The following RAD18 variants were observed in gnomAD, a reference collection of about 807,000 sequenced individuals.
RAD18 encodes RAD18 E3 ubiquitin protein ligase.
RAD18 carries 47 observed loss-of-function variants against 60.4 expected under a neutral mutation model. That is an observed-to-expected ratio of 0.78 (90% CI 0.62 to 0.99). The LOEUF is 0.99. Ranked by LOEUF, RAD18 falls within the 50% of genes least tolerant of loss-of-function variation. The pLI, the probability that RAD18 is intolerant of heterozygous loss-of-function variation, is 0.00. For missense variants in RAD18, 640 were observed against 593.3 expected, an observed-to-expected ratio of 1.08 and a Z score of -0.82; for synonymous variants, 225 against 195.5, an observed-to-expected ratio of 1.15 and a Z score of -1.26.
chr3:8,914,905 G>A (rs984273261), intron 7 of RAD18, among the ~76,000 whole-genome samples: 36 of 152,236 alleles, frequency 2.4e-4, no homozygotes, highest in African/African-American at 7.9e-4. Context: ...TTGAGAGGCC[G>A]AAGCGGGTGG....
Position 8,890,460 on chromosome 3 carries a change from A to G in RAD18, c.1323-9T>C. On this transcript the variant is annotated splice_polypyrimidine_tract_variant and intron_variant, in intron 11 of 12. Coordinates refer to ENST00000264926, the MANE Select transcript of RAD18 (RefSeq NM_020165.4). The stretch of plus-strand genomic sequence containing the variant: ...TGATGTCTGAACTGGAACTAAAAGG[A>G]TATGTACATCAGTATTGACAGACAA... 1 of 1,563,752 alleles carries G rather than the reference A, an allele frequency of 6.4e-7. No homozygotes were observed. Among genetic ancestry groups the G allele is most frequent in the South Asian group, 1.1e-5 (1 of 90,016 alleles).
chr3:8,914,405 C>T lies in RAD18; in HGVS notation c.890-685G>A, dbSNP rs555856571. 1.1e-3 allele frequency among the ~76,000 whole-genome samples: 166 copies of T among 152,146 alleles called. 1 individual carries two copies. The highest frequency in any genetic ancestry group is 0.01 in the Middle Eastern group (3 of 294). ...ATCTGGAATTTGCTTCAAAATAATC[C>T]ATGGAAGAAAAAGGGGTGTAAATGG... On this transcript the variant is annotated intron_variant, in intron 7 of 12. Coordinates refer to ENST00000264926, the MANE Select transcript of RAD18 (RefSeq NM_020165.4).
At chr3:8,942,480 T>C (rs1334064820) in intron 4 of RAD18, among the ~76,000 whole-genome samples, 1 of 152,200 alleles carries the variant, frequency 6.6e-6, no homozygotes, top group East Asian at 1.9e-4. Flanking sequence ...GTTTACTTTA[T>C]AGCAATGTAA....
Position 8,938,328 on chromosome 3 carries a change from G to T in RAD18, c.704+1226C>A, listed in dbSNP as rs145194510. ...TTGTAAGTTGTAACAGTATGAATCT[G>T]ACCCTCAGAATCTGCATTCACTCCA... On this transcript the variant is annotated intron_variant, in intron 6 of 12. Coordinates refer to ENST00000264926, the MANE Select transcript of RAD18 (RefSeq NM_020165.4). 6.2e-3 allele frequency among the ~76,000 whole-genome samples: 937 copies of T among 152,188 alleles called. 6 individuals carry two copies. Among genetic ancestry groups the T allele is most frequent in the African/African-American group, 0.021 (889 of 41,502 alleles).
At chr3:8,908,285 C>A (rs930544051) in intron 9 of RAD18, among the ~76,000 whole-genome samples, 1 of 139,600 alleles carries the variant, frequency 7.2e-6, no homozygotes, top group Non-Finnish European at 1.5e-5. Context: ...TTTTTTTTTT[C>A]TTTTCTAAGT....
At chr3:8,917,216 C>T (rs1940219002) in intron 7 of RAD18, among the ~76,000 whole-genome samples, 1 of 152,100 alleles carries the variant, frequency 6.6e-6, no homozygotes, top group Admixed American at 6.5e-5. Flanking sequence ...ATAAAAATAT[C>T]TTTCAAAAGT....
chr3:8,947,616 C>T (rs1039183643), intron 3 of RAD18, among the ~76,000 whole-genome samples: 5 of 152,086 alleles, frequency 3.3e-5, no homozygotes, highest in East Asian at 1.9e-4. Flanking sequence ...GAAATTTCTC[C>T]GGAAAAACAG....
chr3:8,914,455 G>A (rs1940160635), intron 7 of RAD18, among the ~76,000 whole-genome samples: 1 of 152,206 alleles, frequency 6.6e-6, no homozygotes, highest in African/African-American at 2.4e-5. Flanking sequence ...TTCAGACAGT[G>A]TGATAATTGT....
chr3:8,930,215 A>G (rs6790775), intron 7 of RAD18, among the ~76,000 whole-genome samples: 3,959 of 152,348 alleles, frequency 0.026, 177 homozygotes, highest in African/African-American at 0.089. Context: ...ACATATTCAT[A>G]CAATGGAATA....
At chr3:8,958,681 T>C (rs1054589362) in intron 2 of RAD18, among the ~76,000 whole-genome samples, 1 of 152,212 alleles carries the variant, frequency 6.6e-6, no homozygotes, top group South Asian at 2.1e-4. Flanking sequence ...AAAATTTTAC[T>C]GCCATAAATG....
chr3:8,917,598 A>C (rs141845846), intron 7 of RAD18, among the ~76,000 whole-genome samples: 219 of 152,298 alleles, frequency 1.4e-3, no homozygotes, highest in Middle Eastern at 3.4e-3. Flanking sequence ...AAAGATGTAC[A>C]CTGCAAACCC....
chr3:8,963,285 A>G, intron 1 of RAD18, 50 bp downstream of exon 1: 1 of 1,538,812 alleles, frequency 6.5e-7, no homozygotes, highest in South Asian at 1.2e-5. Context: ...AAAGGGAGGG[A>G]CCTCCCCCCG....
At chr3:8,948,705 AC>A in intron 2 of RAD18, 135 bp from the exon 3 acceptor site, 1 of 657,972 alleles carries the variant, frequency 1.5e-6, no homozygotes. Flanking sequence ...AATTTCTAGT[AC>A]CTCTACTCTA....
chr3:8,898,929 T>G lies in RAD18; in HGVS notation c.1287A>C (p.Glu429Asp), dbSNP rs1939851885. 1.2e-6 allele frequency: 2 copies of G among 1,602,716 alleles called. No individual in the cohort carries two copies. Among genetic ancestry groups the G allele is most frequent in the Non-Finnish European group, 1.7e-6 (2 of 1,173,816 alleles). Residue 429 changes from glutamate (E) to aspartate (D), a missense_variant, in exon 11 of 13, where the codon GAA becomes GAC. Coordinates refer to ENST00000264926, the MANE Select transcript of RAD18 (RefSeq NM_020165.4). ...EDSSSCIDIQ[E>D]VLSSSESDSC... Reference sequence around the variant, plus strand: ...AATCTGATTCTGATGAAGAAAGAACTTCTTGAATATCAATACAGCTAGAAG... The same window carrying G: ...AATCTGATTCTGATGAAGAAAGAACGTCTTGAATATCAATACAGCTAGAAG...
chr3:8,948,486 A>C (rs369562344), intron 3 of RAD18, 23 bp downstream of exon 3: 3 of 1,590,782 alleles, frequency 1.9e-6, no homozygotes, highest in Admixed American at 3.4e-5. Context: ...AGTAAGTTTT[A>C]AAAAAAGGAA....
intron 9 of RAD18, among the ~76,000 whole-genome samples, chr3:8,903,273 A>T (rs1939945953): frequency 6.6e-6 from 1 of 152,212 alleles, no homozygotes; most frequent in African/African-American, 2.4e-5. Context: ...CATAATCATA[A>T]GAGCATGAAA....
intron 2 of RAD18, 89 bp downstream of exon 2, chr3:8,958,831 A>G: frequency 9.8e-7 from 1 of 1,018,274 alleles, no homozygotes. Flanking sequence ...GGTGAAACAT[A>G]AATATGTGCA....
At position 8,885,678 on chromosome 3, in the gene RAD18, T is replaced by C. The variant is rs567887859; in HGVS notation, c.1386-4219A>G. On this transcript the variant is annotated intron_variant, in intron 12 of 12. Transcript: ENST00000264926. Reference sequence around the variant, plus strand: ...AGGGAGGGAAGAGGGAAAAGGGATTTAGGGTGAATGTGTGGACCAAACATA... The same window carrying C: ...AGGGAGGGAAGAGGGAAAAGGGATTCAGGGTGAATGTGTGGACCAAACATA... Among the ~76,000 whole-genome samples, 26 of 152,320 alleles carry C rather than the reference T, an allele frequency of 1.7e-4. No homozygotes were observed. The South Asian group carries it at 2.9e-3, about 17-fold the overall frequency.
At chr3:8,935,122 A>G (rs958330338) in intron 7 of RAD18, among the ~76,000 whole-genome samples, 2 of 152,230 alleles carry the variant, frequency 1.3e-5, no homozygotes, top group Non-Finnish European at 2.9e-5. Context: ...TACTGGCTAC[A>G]ATGACATTTC....
Sources: allele counts gnomAD v4.1 joint callset (sites outside exome capture counted in the v4.1 genomes callset), GRCh38; gene constraint gnomAD v4.1.1; transcripts MANE v1.5; gene names NCBI Gene and HGNC (gene_info 2026-07-23, HGNC 2026-07-21).